The following FBXL3 variants were observed in gnomAD, a reference collection of about 807,000 sequenced individuals.
FBXL3 encodes F-box and leucine rich repeat protein 3.
In FBXL3, 14 loss-of-function variants were observed where a neutral mutation model predicts 37.9. The ratio of observed to expected loss-of-function variants is 0.37; its 90% confidence interval spans 0.24 to 0.58. The LOEUF is 0.58. Among genes scored for constraint, FBXL3 ranks in the 20% least tolerant of loss-of-function variants. FBXL3 has a pLI of 0.74. For synonymous variants in FBXL3, 194 were observed against 180.1 expected (o/e 1.08, Z -0.62); for missense variants, 327 against 511.1 (o/e 0.64, Z 3.47).
intron 1 of FBXL3, chr13:77,026,301 T>G: frequency 1.0e-6 from 1 of 985,476 alleles, no homozygotes; most frequent in Non-Finnish European, 1.2e-6. Context: ...GTTTTTCGCC[T>G]GGCTAAGCGG....
At chr13:77,022,623 G>A (rs1471215399) in intron 1 of FBXL3, among the ~76,000 whole-genome samples, 11 of 152,100 alleles carry the variant, frequency 7.2e-5, no homozygotes, top group Admixed American at 7.2e-4. Context: ...TCTTAACTCC[G>A]CCTAAAATAA....
At chr13:77,026,240 G>C (rs1294164559) in intron 1 of FBXL3, 1 of 985,350 alleles carries the variant, frequency 1.0e-6, no homozygotes, top group African/African-American at 1.7e-5. Context: ...CCACCTAAAG[G>C]ACTGCCCACG....
chr13:77,020,419 C>T (rs1167991805), intron 2 of FBXL3, among the ~76,000 whole-genome samples: 2 of 152,160 alleles, frequency 1.3e-5, no homozygotes, highest in Non-Finnish European at 1.5e-5. Context: ...ATTCTCTCCT[C>T]CTCCTTGGAC....
At position 77,006,223 on chromosome 13, in the gene FBXL3, A is replaced by G. The variant is rs2034449956; in HGVS notation, c.*922T>C. The G allele has an allele frequency of 6.6e-6, 1 of 152,422 alleles. No individual in the cohort carries two copies. Among genetic ancestry groups the G allele is most frequent in the Non-Finnish European group, 1.5e-5 (1 of 67,968 alleles). The allele number at this position is 152,422 out of a possible 1,614,324, so 9.4% of individuals were successfully genotyped here. ...CCATCACTAAAATTTACTGGAAACT[A>G]ATATTCTTTCATGGAAACAACTGAT... On this transcript the variant is annotated 3_prime_UTR_variant, in exon 5 of 5. Transcript: ENST00000355619.
rs1386832353 is a variant in FBXL3 at position 77,005,430 on chromosome 13, G to A, written c.*1715C>T. 3 of 152,516 alleles carry A rather than the reference G, an allele frequency of 2.0e-5. No homozygotes were observed. Among genetic ancestry groups the A allele is most frequent in the Admixed American group, 1.3e-4 (2 of 15,266 alleles). The allele number at this position is 152,516 out of a possible 1,614,324, so 9.4% of individuals were successfully genotyped here. ...TTCCAAATACAAGCTTTGGTTAGTA[G>A]AACTGATTATGTACTGTCAAATCCA... On this transcript the variant is annotated 3_prime_UTR_variant, in exon 5 of 5. Coordinates refer to ENST00000355619, the MANE Select transcript of FBXL3 (RefSeq NM_012158.4).
chr13:77,012,778 G>T (rs964407747), intron 4 of FBXL3: 1 of 152,098 alleles, frequency 6.6e-6, no homozygotes, highest in African/African-American at 2.4e-5. Flanking sequence ...TATTACAAGT[G>T]TTCTTTCTTT....
chr13:77,018,213 GA>G (rs2034678397), intron 3 of FBXL3: 1 of 153,196 alleles, frequency 6.5e-6, no homozygotes, highest in Admixed American at 6.5e-5. Flanking sequence ...AAAGATTTTA[GA>G]AGCTATACCT....
chr13:77,013,093 C>T (rs565284371), intron 4 of FBXL3: 1 of 152,234 alleles, frequency 6.6e-6, no homozygotes, highest in Non-Finnish European at 1.5e-5. Context: ...AGTATTCTTT[C>T]TCTTCCCTTC....
Position 77,007,111 on chromosome 13 carries a change from G to A in FBXL3, c.*34C>T. ...ATAAAACTTTAATTATAATACATTTGCTTGAAATTAAGGTGCTATTCATCA... is the reference window on the plus strand; with the variant it reads ...ATAAAACTTTAATTATAATACATTTACTTGAAATTAAGGTGCTATTCATCA... On this transcript the variant is annotated 3_prime_UTR_variant, in exon 5 of 5. Coordinates refer to ENST00000355619, the MANE Select transcript of FBXL3 (RefSeq NM_012158.4). The A allele has an allele frequency of 6.5e-7, 1 of 1,542,648 alleles. No homozygotes were observed. Among genetic ancestry groups the A allele is most frequent in the Non-Finnish European group, 8.7e-7 (1 of 1,149,024 alleles).
Position 77,013,998 on chromosome 13 carries a change from T to A in FBXL3, c.643+1411A>T, listed in dbSNP as rs528565114. On this transcript the variant is annotated intron_variant, in intron 4 of 4. Coordinates refer to ENST00000355619, the MANE Select transcript of FBXL3 (RefSeq NM_012158.4). ...GAGACATAAAGACTCATACAATGTG[T>A]TAAATGCTAGCAATAAAGTTCACAG... is the stretch of plus-strand genomic sequence containing the variant. The A allele has an allele frequency of 2.0e-5, 3 of 152,326 alleles. 1 individual carries two copies. The highest frequency in any genetic ancestry group is 7.2e-5 in the African/African-American group (3 of 41,570). The allele number at this position is 152,326 out of a possible 1,614,324, so 9.4% of individuals were successfully genotyped here.
intron 2 of FBXL3, 79 bp downstream of exon 2, chr13:77,021,434 G>T (rs1236315370): frequency 1.9e-6 from 2 of 1,058,904 alleles, no homozygotes; most frequent in Non-Finnish European, 2.7e-6. Flanking sequence ...TATTTTAAAG[G>T]CATGAGAAGA....
chr13:77,023,385 G>C (rs1223867772), intron 1 of FBXL3, among the ~76,000 whole-genome samples: 1 of 151,340 alleles, frequency 6.6e-6, no homozygotes, highest in Admixed American at 6.6e-5. Flanking sequence ...AGAGAGACAG[G>C]GCAAGTGAGC....
At chr13:77,013,935 A>G (rs1019292821) in intron 4 of FBXL3, 9 of 152,232 alleles carry the variant, frequency 5.9e-5, no homozygotes, top group African/African-American at 1.9e-4. Context: ...ATACCAGAAT[A>G]AAGAGAACTA....
At position 77,026,877 on chromosome 13, in the gene FBXL3, G is replaced by A. The variant is rs1177823596; in HGVS notation, c.-52C>T. ...CACACCACCCCGTGCTCCGGGGACGGCGGCGGCTGCAGGTCCCGCGGCTCT... is the reference window on the plus strand; with the variant it reads ...CACACCACCCCGTGCTCCGGGGACGACGGCGGCTGCAGGTCCCGCGGCTCT... On this transcript the variant is annotated 5_prime_UTR_variant, in exon 1 of 5. Coordinates refer to ENST00000355619, the MANE Select transcript of FBXL3 (RefSeq NM_012158.4). 6.6e-6 allele frequency: 1 copy of A among 151,570 alleles called. No individual in the cohort carries two copies. The highest frequency in any genetic ancestry group is 1.5e-5 in the Non-Finnish European group (1 of 67,918). The allele number at this position is 151,570 out of a possible 1,614,324, so 9.4% of individuals were successfully genotyped here.
At chr13:77,026,084 GT>G (rs1337951885) in intron 1 of FBXL3, 1 of 715,604 alleles carries the variant, frequency 1.4e-6, no homozygotes, top group African/African-American at 1.9e-5. Flanking sequence ...TTTTTTTCAA[GT>G]TAGAAAAGGA....
intron 3 of FBXL3, 128 bp from the exon 4 acceptor site, chr13:77,015,708 G>A (rs2154036985): frequency 5.5e-6 from 3 of 549,164 alleles, no homozygotes; most frequent in East Asian, 6.8e-5. Context: ...TTTTAGGGGT[G>A]GCATCCCTTC....
At position 77,007,739 on chromosome 13, in the gene FBXL3, C is replaced by A; in HGVS notation, c.693G>T (p.Leu231=). The A allele has an allele frequency of 6.2e-7, 1 of 1,613,456 alleles. No homozygotes were observed. The highest frequency in any genetic ancestry group is 1.1e-5 in the South Asian group (1 of 91,038). ...DQCHGLRELA[L]NYHLLSDELL... is the part of the protein sequence containing the mutation. Reference sequence around the variant, plus strand: ...ACTCATCACTCAATAAGTGGTAGTTCAGGGCTAGTTCTCTTAAGCCGTGAC... The same window carrying A: ...ACTCATCACTCAATAAGTGGTAGTTAAGGGCTAGTTCTCTTAAGCCGTGAC... The change falls in exon 5 of 5, where the codon CTG becomes CTT. Residue 231 remains leucine, a synonymous_variant. Coordinates refer to ENST00000355619, the MANE Select transcript of FBXL3 (RefSeq NM_012158.4).
chr13:77,021,173 C>T (rs908298875), intron 2 of FBXL3, among the ~76,000 whole-genome samples: 2 of 152,198 alleles, frequency 1.3e-5, no homozygotes, highest in Non-Finnish European at 2.9e-5. Flanking sequence ...AGCAATTAAG[C>T]TCTACTCAAT....
intron 4 of FBXL3, 57 bp downstream of exon 4, chr13:77,015,352 A>T: frequency 1.6e-6 from 2 of 1,277,520 alleles, no homozygotes; most frequent in Non-Finnish European, 1.0e-6. Flanking sequence ...AGTTTTTTCT[A>T]ATTTGAACAT....
Sources: allele counts gnomAD v4.1 joint callset (sites outside exome capture counted in the v4.1 genomes callset), GRCh38; gene constraint gnomAD v4.1.1; transcripts MANE v1.5; gene names NCBI Gene and HGNC (gene_info 2026-07-23, HGNC 2026-07-21).